The following TBCD variants were observed in gnomAD, a reference collection of about 807,000 sequenced individuals.
TBCD encodes tubulin folding cofactor D.
In TBCD, 105 loss-of-function variants were observed where a neutral mutation model predicts 169.3. The ratio of observed to expected loss-of-function variants is 0.62; its 90% CI spans 0.53 to 0.73. The LOEUF (loss-of-function observed/expected upper bound fraction) is 0.73, where lower values mean the gene tolerates loss of function less well. TBCD is among the 30% of genes least tolerant of loss of function. The probability of loss-of-function intolerance (pLI) is 0.00; values close to 1 mark genes in which losing one functional copy is unlikely to be tolerated. For synonymous variants in TBCD, 700 were observed against 643.9 expected, an observed-to-expected ratio of 1.09 and a Z score of -1.32; for missense variants, 1,444 against 1,600.1, an observed-to-expected ratio of 0.90 and a Z score of 1.66.
At chr17:82,931,227 C>G (rs1301786053) in intron 33 of TBCD, among the ~76,000 whole-genome samples, 1 of 152,254 alleles carries the variant, frequency 6.6e-6, no homozygotes, top group African/African-American at 2.4e-5. Flanking sequence ...CAGCCTCTCC[C>G]ATGAGAGCAC....
intron 17 of TBCD, among the ~76,000 whole-genome samples, chr17:82,895,521 A>C (rs2059414513): frequency 6.6e-6 from 1 of 152,174 alleles, no homozygotes; most frequent in Admixed American, 6.5e-5. Flanking sequence ...TTTGATGGTC[A>C]GGTCTTTGTT....
intron 34 of TBCD, among the ~76,000 whole-genome samples, chr17:82,935,036 C>G (rs2062502817): frequency 6.6e-6 from 1 of 152,024 alleles, no homozygotes; most frequent in Non-Finnish European, 1.5e-5. Context: ...TGTGCTCCAG[C>G]CTGGGCAACA....
chr17:82,759,678 G>C (rs1043808730), intron 2 of TBCD, among the ~76,000 whole-genome samples: 4 of 152,044 alleles, frequency 2.6e-5, no homozygotes, highest in African/African-American at 9.7e-5. Flanking sequence ...CTTTGTGTTT[G>C]GCCTTTGGTA....
chr17:82,925,018 C>A lies in TBCD; in HGVS notation c.2340C>A (p.Gly780=). The change falls in exon 27 of 39, where the codon GGC becomes GGA. Residue 780 remains glycine (G), a synonymous_variant. Coordinates refer to ENST00000355528, the MANE Select transcript of TBCD (RefSeq NM_005993.5). ...GCTGTGGCTTCTCGTTGGCCTTGGGCGCCCTTCCAGGCTTCCTTCTGAAAG... is the reference window on the plus strand; with the variant it reads ...GCTGTGGCTTCTCGTTGGCCTTGGGAGCCCTTCCAGGCTTCCTTCTGAAAG... ...MTRCGFSLAL[G]ALPGFLLKGR... 1 of 1,569,166 alleles carries A rather than the reference C, an allele frequency of 6.4e-7. No homozygotes were observed. Among genetic ancestry groups the A allele is most frequent in the Non-Finnish European group, 8.6e-7 (1 of 1,156,138 alleles).
In TBCD at chr17:82,831,845, C is replaced by T; in HGVS notation, c.1318+16911C>T. 6.2e-7 allele frequency: 1 copy of T among 1,614,052 alleles called. No homozygotes were observed. Among genetic ancestry groups the T allele is most frequent in the Non-Finnish European group, 8.5e-7 (1 of 1,179,992 alleles). ...GGTGAGCCGGCTTTCCAGGGGTAGC[C>T]AGGAGTGTGGAAGGCCGACTTGGTG... On this transcript the variant is annotated intron_variant, in intron 13 of 38. Transcript: ENST00000355528. This position sits in a 1 kb window ranked among gnomAD's most constrained non-coding sequence, Gnocchi z 4.6.
In TBCD at chr17:82,921,574, G is replaced by T; in HGVS notation, c.2175G>T (p.Met725Ile). 1 of 1,614,038 alleles carries T rather than the reference G, an allele frequency of 6.2e-7. No homozygotes were observed. Residue 725 changes from methionine to isoleucine, a missense_variant, in exon 25 of 39, where the codon ATG (methionine) becomes ATT (isoleucine). Met to Ile is a conservative substitution (Grantham distance 10). Coordinates refer to ENST00000355528, the MANE Select transcript of TBCD (RefSeq NM_005993.5). Reference sequence around the variant, plus strand: ...TCTCAAGTCACTCCCGCCAGCAGATGAAGGTACAGTGAGCATGGGCGTTCC... The same window carrying T: ...TCTCAAGTCACTCCCGCCAGCAGATTAAGGTACAGTGAGCATGGGCGTTCC... ...HLISSHSRQQ[M>I]KDAAVSALAA...
chr17:82,771,549 G>T (rs1298978269), intron 5 of TBCD, among the ~76,000 whole-genome samples: 1 of 152,128 alleles, frequency 6.6e-6, no homozygotes, highest in East Asian at 1.9e-4. Context: ...CTCCTGAGTA[G>T]CTGGGATTAC....
chr17:82,865,593 G>A lies in TBCD; in HGVS notation c.1319-4631G>A, dbSNP rs1050593743. On this transcript the variant is annotated intron_variant, in intron 13 of 38. Coordinates refer to ENST00000355528, the MANE Select transcript of TBCD (RefSeq NM_005993.5). Reference sequence around the variant, plus strand: ...TCACCGCCCAGTGCCGAAATGGGAAGGCCTGACAGGGCGATGCGGTCTGCA... The same window carrying A: ...TCACCGCCCAGTGCCGAAATGGGAAAGCCTGACAGGGCGATGCGGTCTGCA... The A allele has an allele frequency of 3.1e-6, 3 of 961,912 alleles. No individual in the cohort carries two copies. In the African/African-American group the frequency reaches 5.3e-5, roughly 17 times the overall value. 59.6% of individuals were successfully genotyped at this position (961,912 alleles called of 1,614,324 possible).
intron 2 of TBCD, among the ~76,000 whole-genome samples, chr17:82,758,046 C>A (rs2047497253): frequency 6.6e-6 from 1 of 152,116 alleles, no homozygotes; most frequent in African/African-American, 2.4e-5. Flanking sequence ...TTGTTGTGAG[C>A]TGCTTAGAGT....
chr17:82,861,046 C>T (rs553339793), intron 13 of TBCD, among the ~76,000 whole-genome samples: 35 of 152,328 alleles, frequency 2.3e-4, no homozygotes, highest in South Asian at 4.1e-4. Context: ...AACCGCGGCC[C>T]GTTGCAAGAA....
rs980760597 is a variant in TBCD, at chr17:82,922,219, G to A, written c.2178+642G>A. Among the ~76,000 whole-genome samples the A allele has an allele frequency of 2.0e-5, 3 of 152,288 alleles. No homozygotes were observed. The East Asian group carries it at 5.8e-4, about 29-fold the overall frequency. ...CTACTAAAAATACAAAAATTAGCGG[G>A]GCGAGGTGGCGCGTGCCTGTAATCC... On this transcript the variant is annotated intron_variant, in intron 25 of 38. Transcript: ENST00000355528. The surrounding 1 kb of genome is among the most constrained non-coding windows in gnomAD (Gnocchi z 4.1).
At chr17:82,823,424 T>C (rs567332092) in intron 13 of TBCD, among the ~76,000 whole-genome samples, 1 of 152,258 alleles carries the variant, frequency 6.6e-6, no homozygotes, top group African/African-American at 2.4e-5. Context: ...ATGCAAAGCA[T>C]GAGACATCTT....
At chr17:82,828,650 C>T (rs1219085011) in intron 13 of TBCD, among the ~76,000 whole-genome samples, 3 of 151,670 alleles carry the variant, frequency 2.0e-5, no homozygotes, top group Non-Finnish European at 2.9e-5. Flanking sequence ...GCGCACACAC[C>T]TGCAGATATG....
In TBCD at chr17:82,809,370, A is replaced by AG. The variant is rs995191566; in HGVS notation, c.1149-335dup. On this transcript the variant is annotated intron_variant, in intron 11 of 38. Coordinates refer to ENST00000355528, the MANE Select transcript of TBCD (RefSeq NM_005993.5). ...GGCACAGAGGAAGCCCGGCTCCAGTAGGGAGGGTCAGGGTGAAGCCCTCAG... is the reference window on the plus strand; with the variant it reads ...GGCACAGAGGAAGCCCGGCTCCAGTAGGGGAGGGTCAGGGTGAAGCCCTCAG... 2.2e-4 allele frequency among the ~76,000 whole-genome samples: 34 copies of AG among 152,168 alleles called. 1 individual carries two copies. The highest frequency in any genetic ancestry group is 8.2e-4 in the African/African-American group (34 of 41,508).
intron 38 of TBCD, 95 bp downstream of exon 38, chr17:82,941,578 G>A (rs1447049085): frequency 2.0e-5 from 22 of 1,112,086 alleles, no homozygotes; most frequent in Middle Eastern, 2.2e-4. Flanking sequence ...CTGCCAGCAC[G>A]TCCACACGGC....
chr17:82,812,418 T>C (rs931795479), intron 12 of TBCD, among the ~76,000 whole-genome samples: 5 of 152,008 alleles, frequency 3.3e-5, no homozygotes, highest in African/African-American at 1.2e-4. Flanking sequence ...GATGTGTTCA[T>C]TCAAAAGTCA....
At position 82,903,343 on chromosome 17, in the gene TBCD, G is replaced by T; in HGVS notation, c.1731-62G>T. On this transcript the variant is annotated intron_variant, in intron 18 of 38. Transcript: ENST00000355528. This position sits in a 1 kb window ranked among gnomAD's most constrained non-coding sequence, Gnocchi z 4.8. The stretch of plus-strand genomic sequence containing the variant: ...GTTGTCTCCCTCACTTTCTTTTTAT[G>T]AATTGAATAAAGCTAGAATCATAAA... 2 of 1,475,100 alleles carry T rather than the reference G, an allele frequency of 1.4e-6. No individual in the cohort carries two copies. The highest frequency in any genetic ancestry group is 1.2e-5 in the South Asian group (1 of 82,262). 91.4% of individuals were successfully genotyped at this position (1,475,100 alleles called of 1,614,324 possible).
rs2060963262 is a variant in TBCD at position 82,915,458 on chromosome 17, G to A, written c.2038+3669G>A. Among the ~76,000 whole-genome samples, 1 of 151,982 alleles carries A rather than the reference G, an allele frequency of 6.6e-6. No individual in the cohort carries two copies. Among genetic ancestry groups the A allele is most frequent in the African/African-American group, 2.4e-5 (1 of 41,290 alleles). On this transcript the variant is annotated intron_variant, in intron 23 of 38. Coordinates refer to ENST00000355528, the MANE Select transcript of TBCD (RefSeq NM_005993.5). The surrounding 1 kb of genome is among the most constrained non-coding windows in gnomAD (Gnocchi z 4.3). The stretch of plus-strand genomic sequence containing the variant: ...TGGCCTGAACTGAGCTGCTTCCCCC[G>A]GTGCCAGGAAGATGAGCGTCCCCTT...
rs778338967 is a variant in TBCD, at chr17:82,939,397, G to C, written c.3400G>C (p.Glu1134Gln). 6.2e-7 allele frequency: 1 copy of C among 1,613,276 alleles called. No homozygotes were observed. Among genetic ancestry groups the C allele is most frequent in the South Asian group, 1.1e-5 (1 of 90,918 alleles). ...IRKTTASQVY[E>Q]TLLTYSDVVG... ...GAAGACCACGGCCAGCCAGGTGTAC[G>C]AGACATTGCTCACCTACAGTGACGT... Residue 1134 changes from glutamate (E) to glutamine (Q), a missense_variant, in exon 37 of 39, where the codon GAG (glutamate) becomes CAG (glutamine). Transcript: ENST00000355528.
Sources: gnomAD v4.1 joint callset for allele counts (sites outside exome capture counted in the v4.1 genomes callset) on GRCh38, gnomAD v4.1.1 for gene constraint, Gnocchi (gnomAD v3.1) non-coding constraint, MANE v1.5 for transcripts, NCBI Gene and HGNC (gene_info 2026-07-23, HGNC 2026-07-21) for gene names.